Variants in TMPRSS11A observed in about 807,000 individuals in gnomAD.
The protein encoded by TMPRSS11A is transmembrane serine protease 11A.
TMPRSS11A carries 53 observed loss-of-function variants against 58.9 expected under a neutral mutation model. The ratio of observed to expected loss-of-function variants is 0.90; its 90% CI spans 0.72 to 1.13. The LOEUF is 1.13. Among genes scored for constraint, TMPRSS11A ranks in the 50% most tolerant of loss-of-function variants. The pLI is 0.00. For synonymous variants in TMPRSS11A, 167 were observed against 169.8 expected (o/e 0.98, Z 0.13); for missense variants, 493 against 499.3 (o/e 0.99, Z 0.12).
chr4:67,949,400 T>C (rs759433984), intron 1 of TMPRSS11A, among the ~76,000 whole-genome samples: 1 of 152,196 alleles, frequency 6.6e-6, no homozygotes, highest in Admixed American at 6.5e-5. Flanking sequence ...TGTTAGAGTG[T>C]TTCTCCTTTT....
intron 1 of TMPRSS11A, among the ~76,000 whole-genome samples, chr4:67,947,516 C>T (rs1448193691): frequency 1.3e-5 from 2 of 152,006 alleles, no homozygotes; most frequent in Non-Finnish European, 2.9e-5. Flanking sequence ...CTTTTATATC[C>T]CTCATTTCCT....
intron 8 of TMPRSS11A, among the ~76,000 whole-genome samples, chr4:67,916,419 A>G (rs1720148122): frequency 6.6e-6 from 1 of 152,144 alleles, no homozygotes; most frequent in Non-Finnish European, 1.5e-5. Context: ...AAATATGCTA[A>G]GAGATTTTTC....
intron 3 of TMPRSS11A, among the ~76,000 whole-genome samples, chr4:67,940,788 A>G (rs116623681): frequency 8.2e-4 from 125 of 152,320 alleles, no homozygotes; most frequent in African/African-American, 2.9e-3. Flanking sequence ...TTTTTTGAAC[A>G]TGCAACACAT....
intron 1 of TMPRSS11A, among the ~76,000 whole-genome samples, chr4:67,961,977 A>G (rs1304769874): frequency 6.6e-6 from 1 of 152,194 alleles, no homozygotes; most frequent in Non-Finnish European, 1.5e-5. Flanking sequence ...TGATATTTTA[A>G]AAGAGTGATT....
intron 1 of TMPRSS11A, among the ~76,000 whole-genome samples, chr4:67,963,149 C>G (rs1352101526): frequency 6.6e-6 from 1 of 152,208 alleles, no homozygotes; most frequent in Non-Finnish European, 1.5e-5. Context: ...AAAATCTTAA[C>G]TATTGAACTT....
At chr4:67,931,018 T>C (rs1720602526) in intron 4 of TMPRSS11A, among the ~76,000 whole-genome samples, 1 of 151,952 alleles carries the variant, frequency 6.6e-6, no homozygotes, top group African/African-American at 2.4e-5. Context: ...ATCTGAGGAA[T>C]TAACATTTTT....
At chr4:67,935,229 C>A (rs1030936189) in intron 3 of TMPRSS11A, among the ~76,000 whole-genome samples, 1 of 152,158 alleles carries the variant, frequency 6.6e-6, no homozygotes, top group Non-Finnish European at 1.5e-5. Flanking sequence ...AAGGTCCTCT[C>A]CCTCTGTGAC....
intron 1 of TMPRSS11A, among the ~76,000 whole-genome samples, chr4:67,963,110 T>A (rs1310905603): frequency 6.6e-6 from 1 of 152,204 alleles, no homozygotes; most frequent in Admixed American, 6.5e-5. Context: ...TAAGACACAA[T>A]GTAATATAGT....
rs1720919519 is a variant in TMPRSS11A at position 67,943,164 on chromosome 4, G to T, written c.252+1355C>A. Among the ~76,000 whole-genome samples the T allele has an allele frequency of 2.0e-5, 3 of 152,114 alleles. No homozygotes were observed. In the South Asian group the frequency reaches 6.2e-4, roughly 32 times the overall value. ...ACTTAACTTAGCCTTAGCCTTTGAAGGAACACATGCTTAGGTGAAACTTAA... is the reference window on the plus strand; with the variant it reads ...ACTTAACTTAGCCTTAGCCTTTGAATGAACACATGCTTAGGTGAAACTTAA... On this transcript the variant is annotated intron_variant, in intron 3 of 9. Transcript: ENST00000508048.
rs1343897382 is a variant in TMPRSS11A, at chr4:67,909,918, T to C, written c.*1424A>G. 6.6e-6 allele frequency: 1 copy of C among 152,092 alleles called. No individual in the cohort carries two copies. The highest frequency in any genetic ancestry group is 1.5e-5 in the Non-Finnish European group (1 of 67,934). The allele number at this position is 152,092 out of a possible 1,614,324, so 9.4% of individuals were successfully genotyped here. A position where few individuals can be genotyped will look rare whatever the true frequency, so the allele number is the denominator to read the frequency against. ...TTATGAGTGAACTGCATATCTCTTT[T>C]AGATATTTTAGGATTATTTTCATGC... On this transcript the variant is annotated 3_prime_UTR_variant, in exon 10 of 10. Coordinates refer to ENST00000508048, the MANE Select transcript of TMPRSS11A (RefSeq NM_001114387.2).
chr4:67,930,104 C>T, intron 4 of TMPRSS11A, 64 bp from the exon 5 acceptor site: 1 of 1,438,202 alleles, frequency 7.0e-7, no homozygotes, highest in African/African-American at 1.4e-5. Context: ...TTCAGTCTTA[C>T]CTGTATCTTC....
At chr4:67,962,753 A>G (rs997233514) in intron 1 of TMPRSS11A, among the ~76,000 whole-genome samples, 1 of 152,222 alleles carries the variant, frequency 6.6e-6, no homozygotes, top group Non-Finnish European at 1.5e-5. Flanking sequence ...TTCTTTGCAC[A>G]TGGCATACCC....
At chr4:67,926,066 AG>A in intron 5 of TMPRSS11A, among the ~76,000 whole-genome samples, 1 of 152,212 alleles carries the variant, frequency 6.6e-6, no homozygotes. Flanking sequence ...GTTAATATTC[AG>A]GGCTCTATAG....
intron 1 of TMPRSS11A, among the ~76,000 whole-genome samples, chr4:67,947,833 G>C (rs1721063228): frequency 6.6e-6 from 1 of 152,144 alleles, no homozygotes; most frequent in Non-Finnish European, 1.5e-5. Context: ...ACCCAATAAG[G>C]CACCTGGACA....
chr4:67,922,623 T>G (rs1384182948), intron 7 of TMPRSS11A, 132 bp downstream of exon 7: 2 of 867,230 alleles, frequency 2.3e-6, no homozygotes, highest in Non-Finnish European at 3.4e-6. Flanking sequence ...AACATTATTT[T>G]AGAAAAGAAC....
Position 67,936,909 on chromosome 4 carries a change from T to C in TMPRSS11A, c.253-4849A>G, listed in dbSNP as rs553959948. ...AAAAGAGGAAAATATCTCATTTGGA[T>C]CTATTTAAAGCTGTACTAAAAATAT... is the stretch of plus-strand genomic sequence containing the variant. On this transcript the variant is annotated intron_variant, in intron 3 of 9. Coordinates refer to ENST00000508048, the MANE Select transcript of TMPRSS11A (RefSeq NM_001114387.2). Among the ~76,000 whole-genome samples, 8 of 152,322 alleles carry C rather than the reference T, an allele frequency of 5.3e-5. No homozygotes were observed. The South Asian group carries it at 1.4e-3, about 28-fold the overall frequency.
At chr4:67,953,105 C>T (rs925499152) in intron 1 of TMPRSS11A, among the ~76,000 whole-genome samples, 1 of 152,076 alleles carries the variant, frequency 6.6e-6, no homozygotes, top group Non-Finnish European at 1.5e-5. Flanking sequence ...GGGTTCATGC[C>T]TCTATGGGAA....
intron 1 of TMPRSS11A, among the ~76,000 whole-genome samples, chr4:67,947,828 A>C (rs1261922016): frequency 1.3e-5 from 2 of 152,206 alleles, no homozygotes; most frequent in African/African-American, 4.8e-5. Context: ...CTAAGACCCA[A>C]TAAGGCACCT....
Position 67,929,069 on chromosome 4 carries a change from C to A in TMPRSS11A, c.481+811G>T, listed in dbSNP as rs951291801. Reference sequence around the variant, plus strand: ...TTAAGATGTGTTTGACTATAGAAACCTTTTTTAATTGGAGCCTTTTAAGAA... The same window carrying A: ...TTAAGATGTGTTTGACTATAGAAACATTTTTTAATTGGAGCCTTTTAAGAA... On this transcript the variant is annotated intron_variant, in intron 5 of 9. Transcript: ENST00000508048. Among the ~76,000 whole-genome samples the A allele has an allele frequency of 2.0e-5, 3 of 152,062 alleles. No individual in the cohort carries two copies. In the East Asian group the frequency reaches 5.8e-4, roughly 29 times the overall value.
Sources: gnomAD v4.1 joint callset for allele counts (sites outside exome capture counted in the v4.1 genomes callset) on GRCh38, gnomAD v4.1.1 for gene constraint, MANE v1.5 for transcripts, NCBI Gene and HGNC (gene_info 2026-07-23, HGNC 2026-07-21) for gene names.